Variants in ARHGAP29 observed in about 807,000 individuals in gnomAD.
ARHGAP29 encodes the protein Rho GTPase activating protein 29, also known as rho GTPase-activating protein 29.
In ARHGAP29, 43 loss-of-function variants were observed where a neutral mutation model predicts 122.6. The observed-to-expected ratio is 0.35, with a 90% CI of 0.27 to 0.45. The LOEUF (loss-of-function observed/expected upper bound fraction) is 0.45, where lower values mean the gene tolerates loss of function less well. ARHGAP29 is among the 20% of genes least tolerant of loss of function. ARHGAP29 has a pLI of 1.00. For synonymous variants in ARHGAP29, 506 were observed against 497.1 expected, an observed-to-expected ratio of 1.02 and a Z score of -0.24; for missense variants, 1,303 against 1,477.2, an observed-to-expected ratio of 0.88 and a Z score of 1.93.
the ARHGAP29 span, among the ~76,000 whole-genome samples, chr1:94,284,736 T>C: frequency 6.6e-6 from 1 of 152,314 alleles, no homozygotes; most frequent in East Asian, 1.9e-4. Flanking sequence ...TACTCCGAGA[T>C]TGTTTGTTTC....
intron 1 of ARHGAP29, among the ~76,000 whole-genome samples, chr1:94,273,137 G>T (rs986812274): frequency 6.6e-6 from 1 of 152,176 alleles, no homozygotes; most frequent in African/African-American, 2.4e-5. Flanking sequence ...AGTGGGGGTT[G>T]CCTACTGCGT....
rs1418527762 is a variant in ARHGAP29, at chr1:94,174,613, C to T, written c.3042G>A (p.Lys1014=). 1 of 1,614,150 alleles carries T rather than the reference C, an allele frequency of 6.2e-7. No individual in the cohort carries two copies. The highest frequency in any genetic ancestry group is 1.7e-5 in the Admixed American group (1 of 60,032). The change falls in exon 23 of 23, where the codon AAG becomes AAA. Residue 1014 remains lysine, a synonymous_variant. Coordinates refer to ENST00000260526, the MANE Select transcript of ARHGAP29 (RefSeq NM_004815.4). The stretch of plus-strand genomic sequence containing the variant: ...CTACAGGCAAACTTACAGGTCTAAT[C>T]TTGGTCCTTGGAGTATGCCTCTCCA... ...NNVERHTPRT[K]IRPVSLPVDR...
chr1:94,170,753 A>G lies in ARHGAP29; in HGVS notation c.*3116T>C, dbSNP rs1253118284. Among the ~76,000 whole-genome samples, 1 of 152,236 alleles carries G rather than the reference A, an allele frequency of 6.6e-6. No homozygotes were observed. Among genetic ancestry groups the G allele is most frequent in the Non-Finnish European group, 1.5e-5 (1 of 68,052 alleles). On this transcript the variant is annotated 3_prime_UTR_variant, in exon 23 of 23. Transcript: ENST00000260526. ...TTCTAATTCGTGTACATTATGGAGT[A>G]CTACATTTATTTAAGATCTCCTTAA...
At chr1:94,225,452 G>C (rs1167570752) in intron 2 of ARHGAP29, among the ~76,000 whole-genome samples, 2 of 152,032 alleles carry the variant, frequency 1.3e-5, no homozygotes, top group Non-Finnish European at 2.9e-5. Context: ...ATTATTACTA[G>C]TAATTCTGTA....
intron 19 of ARHGAP29, among the ~76,000 whole-genome samples, chr1:94,180,214 G>C (rs1649368830): frequency 1.3e-5 from 2 of 152,042 alleles, no homozygotes; most frequent in Non-Finnish European, 1.5e-5. Context: ...CTGCATGATG[G>C]AATTTTACAA....
chr1:94,247,427 C>G (rs901650452), intron 1 of ARHGAP29, among the ~76,000 whole-genome samples: 1 of 151,846 alleles, frequency 6.6e-6, no homozygotes, highest in South Asian at 2.1e-4. Flanking sequence ...TCCTCTCGCT[C>G]GTCCGCGCCT....
intron 1 of ARHGAP29, among the ~76,000 whole-genome samples, chr1:94,244,206 A>T (rs752691413): frequency 1.4e-5 from 2 of 147,016 alleles, no homozygotes; most frequent in Admixed American, 6.9e-5. Context: ...GACATTACCA[A>T]AAAAAAAAAC....
intron 12 of ARHGAP29, 60 bp from the exon 13 acceptor site, chr1:94,190,143 T>C: frequency 1.3e-6 from 2 of 1,540,930 alleles, no homozygotes; most frequent in East Asian, 2.3e-5. Context: ...TATATAAACA[T>C]ACATTTATTT....
Position 94,199,422 on chromosome 1 carries a change from T to C in ARHGAP29, c.1281+2298A>G, listed in dbSNP as rs114696272. 1.6e-3 allele frequency among the ~76,000 whole-genome samples: 239 copies of C among 152,334 alleles called. 1 individual carries two copies. The highest frequency in any genetic ancestry group is 5.4e-3 in the African/African-American group (223 of 41,578). On this transcript the variant is annotated intron_variant, in intron 12 of 22. Coordinates refer to ENST00000260526, the MANE Select transcript of ARHGAP29 (RefSeq NM_004815.4). ...CATTTACCATGTTTTTTATTTTCTC[T>C]ATTTTATGCAGTTTTGACATCTTAA... is the stretch of plus-strand genomic sequence containing the variant.
At chr1:94,225,150 T>C (rs1372657817) in intron 2 of ARHGAP29, among the ~76,000 whole-genome samples, 1 of 152,188 alleles carries the variant, frequency 6.6e-6, no homozygotes, top group Non-Finnish European at 1.5e-5. Context: ...ACTAGCTGCA[T>C]CATAAATGGT....
chr1:94,229,758 ACTTTCAGTTG>A (rs1002558728), intron 2 of ARHGAP29, among the ~76,000 whole-genome samples: 3 of 151,514 alleles, frequency 2.0e-5, no homozygotes, highest in African/African-American at 7.3e-5. Context: ...CTTAGGGTCA[ACTTTCAGTTG>A]ACCTTCAGTA....
the ARHGAP29 span, among the ~76,000 whole-genome samples, chr1:94,297,636 A>G: frequency 1.3e-5 from 2 of 152,206 alleles, no homozygotes; most frequent in Admixed American, 6.5e-5. Context: ...AGATAGTTCC[A>G]GAGGGAGTTA....
At position 94,173,800 on chromosome 1, in the gene ARHGAP29, T is replaced by C; in HGVS notation, c.*69A>G. ...CAAAAGAGGCCCTGTCAAAACATTC[T>C]TTCACAAAACAAGCACAATACCACA... On this transcript the variant is annotated 3_prime_UTR_variant, in exon 23 of 23. Coordinates refer to ENST00000260526, the MANE Select transcript of ARHGAP29 (RefSeq NM_004815.4). 6.6e-7 allele frequency: 1 copy of C among 1,513,824 alleles called. No homozygotes were observed. The highest frequency in any genetic ancestry group is 8.8e-7 in the Non-Finnish European group (1 of 1,134,518). 93.8% of individuals were successfully genotyped at this position (1,513,824 alleles called of 1,614,324 possible).
chr1:94,233,804 A>C (rs935236091), intron 1 of ARHGAP29, among the ~76,000 whole-genome samples: 1 of 152,182 alleles, frequency 6.6e-6, no homozygotes, highest in African/African-American at 2.4e-5. Flanking sequence ...GCTCCATGGG[A>C]TGTATGTGAG....
the ARHGAP29 span, chr1:94,302,072 G>T: frequency 3.6e-6 from 1 of 275,524 alleles, no homozygotes; most frequent in Non-Finnish European, 7.1e-6. Context: ...AATGGATTTG[G>T]CCATACTGGG....
intron 5 of ARHGAP29, among the ~76,000 whole-genome samples, chr1:94,208,022 G>A (rs1386565900): frequency 1.3e-5 from 2 of 151,830 alleles, no homozygotes; most frequent in Non-Finnish European, 2.9e-5. Context: ...TTTTTTGTAG[G>A]GACAGGGCCT....
chr1:94,308,927 T>C, the ARHGAP29 span, among the ~76,000 whole-genome samples: 3 of 152,156 alleles, frequency 2.0e-5, no homozygotes, highest in African/African-American at 7.2e-5. Context: ...TTCATAAGTT[T>C]CCTCAGGAGG....
At chr1:94,244,563 A>G (rs1160104756) in intron 1 of ARHGAP29, among the ~76,000 whole-genome samples, 1 of 152,122 alleles carries the variant, frequency 6.6e-6, no homozygotes, top group Non-Finnish European at 1.5e-5. Context: ...CTTAGCCAGT[A>G]CAGTAAGACA....
chr1:94,276,865 A>C (rs1655211035), upstream of ARHGAP29, among the ~76,000 whole-genome samples: 1 of 152,044 alleles, frequency 6.6e-6, no homozygotes, highest in South Asian at 2.1e-4. Context: ...ATATTGGAAA[A>C]AAGTTCTCAT....
Sources: allele counts gnomAD v4.1 joint callset (sites outside exome capture counted in the v4.1 genomes callset), GRCh38; gene constraint gnomAD v4.1.1; transcripts MANE v1.5; gene names NCBI Gene and HGNC (gene_info 2026-07-23, HGNC 2026-07-21).